Variants in PPM1L observed in about 807,000 individuals in gnomAD.
PPM1L encodes the protein protein phosphatase, Mg2+/Mn2+ dependent 1L.
In PPM1L, 13 loss-of-function variants were observed where a neutral mutation model predicts 31.4. The observed-to-expected ratio is 0.41, with a 90% confidence interval of 0.27 to 0.66. The LOEUF (loss-of-function observed/expected upper bound fraction) is 0.66. Among genes scored for constraint, PPM1L ranks in the 30% least tolerant of loss-of-function variants. PPM1L has a pLI of 0.29. For missense variants in PPM1L, 326 were observed against 453.7 expected (o/e 0.72, Z 2.56); for synonymous variants, 184 against 175.4 (o/e 1.05, Z -0.39).
At chr3:160,777,079 T>C (rs895469229) in intron 1 of PPM1L, among the ~76,000 whole-genome samples, 6 of 151,886 alleles carry the variant, frequency 4.0e-5, no homozygotes, top group Non-Finnish European at 8.8e-5. Flanking sequence ...CCTTAGCACT[T>C]TGGGAGGCCA....
At chr3:160,849,962 A>G (rs751954040) in intron 1 of PPM1L, among the ~76,000 whole-genome samples, 12 of 152,150 alleles carry the variant, frequency 7.9e-5, no homozygotes, top group Admixed American at 7.2e-4. Context: ...TACACAGCCA[A>G]TTCTCTGACA....
chr3:160,920,710 G>A (rs988838308), intron 1 of PPM1L, among the ~76,000 whole-genome samples: 1 of 149,476 alleles, frequency 6.7e-6, no homozygotes, highest in Non-Finnish European at 1.5e-5. Context: ...ATCCCTTTTA[G>A]CAGTAGGAGG....
intron 1 of PPM1L, among the ~76,000 whole-genome samples, chr3:160,912,733 G>T (rs557208899): frequency 3.9e-5 from 6 of 152,140 alleles, no homozygotes; most frequent in Non-Finnish European, 7.4e-5. Flanking sequence ...TTTTATGTAT[G>T]TACTAATTTA....
intron 1 of PPM1L, among the ~76,000 whole-genome samples, chr3:160,781,165 A>G (rs1711738292): frequency 6.6e-6 from 1 of 152,190 alleles, no homozygotes; most frequent in Non-Finnish European, 1.5e-5. Context: ...CTCATGTTCT[A>G]CTGTGGTCAC....
intron 3 of PPM1L, among the ~76,000 whole-genome samples, chr3:161,068,190 A>G (rs1383255001): frequency 6.6e-6 from 1 of 152,248 alleles, no homozygotes; most frequent in Non-Finnish European, 1.5e-5. Context: ...CCAATAAAAT[A>G]GATACTGTCT....
At position 160,913,398 on chromosome 3, in the gene PPM1L, C is replaced by G. The variant is rs1245071120; in HGVS notation, c.400-48338C>G. Among the ~76,000 whole-genome samples, 3 of 152,114 alleles carry G rather than the reference C, an allele frequency of 2.0e-5. 1 individual carries two copies. The highest frequency in any genetic ancestry group is 7.2e-5 in the African/African-American group (3 of 41,410). On this transcript the variant is annotated intron_variant, in intron 1 of 3. Transcript: ENST00000498165. ...TTAGCATGAAACTACTTTTTAAAAT[C>G]ACTTTATTGAGGCATAATTTATCCA...
chr3:161,060,831 A>T (rs1719551334), intron 2 of PPM1L, among the ~76,000 whole-genome samples: 1 of 151,182 alleles, frequency 6.6e-6, no homozygotes, highest in Non-Finnish European at 1.5e-5. Flanking sequence ...TCTCATCTAG[A>T]TTAAATTGTT....
At chr3:161,039,647 C>G (rs559648233) in intron 2 of PPM1L, among the ~76,000 whole-genome samples, 3 of 152,068 alleles carry the variant, frequency 2.0e-5, no homozygotes, top group Non-Finnish European at 4.4e-5. Flanking sequence ...CTCAGCCTCC[C>G]GAGTAGCTGG....
At chr3:160,799,016 CCTGAATTTCTGTAG>C (rs1342524341) in intron 1 of PPM1L, among the ~76,000 whole-genome samples, 1 of 152,172 alleles carries the variant, frequency 6.6e-6, no homozygotes, top group Non-Finnish European at 1.5e-5. Flanking sequence ...AGAAGTGGAG[CCTGAATTTCTGTAG>C]CTGAATTTCT....
intron 1 of PPM1L, among the ~76,000 whole-genome samples, chr3:160,867,524 C>A (rs1466287382): frequency 1.6e-5 from 2 of 124,386 alleles, no homozygotes; most frequent in Non-Finnish European, 4.0e-5. Flanking sequence ...CATTTCCTTC[C>A]TGGCTTCCTT....
At position 160,884,490 on chromosome 3, in the gene PPM1L, C is replaced by T. The variant is rs139937437; in HGVS notation, c.400-77246C>T. Among the ~76,000 whole-genome samples the T allele has an allele frequency of 9.9e-4, 151 of 152,316 alleles. 2 individuals are homozygous for T. Among genetic ancestry groups the T allele is most frequent in the Admixed American group, 2.1e-3 (32 of 15,308 alleles). ...ATGAAGCAGCCATTAAACTTTGTGACCTATGTGCTGTAAGGGACCCAGTGG... is the reference window on the plus strand; with the variant it reads ...ATGAAGCAGCCATTAAACTTTGTGATCTATGTGCTGTAAGGGACCCAGTGG... On this transcript the variant is annotated intron_variant, in intron 1 of 3. Coordinates refer to ENST00000498165, the MANE Select transcript of PPM1L (RefSeq NM_139245.4).
chr3:160,954,936 CTTCCTTCCTTCCTTCCTTCCTTCCT>C (rs1489300597), intron 1 of PPM1L, among the ~76,000 whole-genome samples: 13 of 50,520 alleles, frequency 2.6e-4, no homozygotes, highest in African/African-American at 6.2e-4. Context: ...TCCTTCCTTC[CTTCCTTCCTTCCTTCCTTCCTTCCT>C]TTCCTTTCCT....
chr3:160,887,978 A>G (rs1310391148), intron 1 of PPM1L, among the ~76,000 whole-genome samples: 1 of 152,162 alleles, frequency 6.6e-6, no homozygotes, highest in Non-Finnish European at 1.5e-5. Flanking sequence ...CAGATAAGAA[A>G]ATGCTGAGGG....
At chr3:160,955,812 G>T (rs201097277) in intron 1 of PPM1L, among the ~76,000 whole-genome samples, 2 of 150,580 alleles carry the variant, frequency 1.3e-5, no homozygotes, top group East Asian at 3.9e-4. Flanking sequence ...CACCACGTCC[G>T]GATAATTTTT....
rs200590752 is a variant in PPM1L, at chr3:160,961,765, C to T, written c.429C>T (p.Leu143=). 4 of 1,592,326 alleles carry T rather than the reference C, an allele frequency of 2.5e-6. No individual in the cohort carries two copies. Among genetic ancestry groups the T allele is most frequent in the Non-Finnish European group, 3.4e-6 (4 of 1,172,128 alleles). The change falls in exon 2 of 4, where the codon CTC becomes CTT. Residue 143 remains leucine (L), a synonymous_variant. Transcript: ENST00000498165. ...CAGCTGAATATGTAAAATCTCGACT[C>T]CCAGAGGCCCTTAAACAGCATCTTC... is the stretch of plus-strand genomic sequence containing the variant. The part of the protein sequence containing the change: ...ETAAEYVKSR[L]PEALKQHLQD...
intron 2 of PPM1L, among the ~76,000 whole-genome samples, chr3:160,971,820 G>A (rs538922856): frequency 2.0e-5 from 3 of 152,058 alleles, no homozygotes; most frequent in Admixed American, 6.5e-5. Context: ...CTGGAGTGCC[G>A]TGGCATGATC....
intron 1 of PPM1L, among the ~76,000 whole-genome samples, chr3:160,792,949 A>G (rs545157660): frequency 5.1e-4 from 78 of 152,308 alleles, no homozygotes; most frequent in African/African-American, 1.9e-3. Flanking sequence ...ATGTTCCTCA[A>G]TTTGGGGTTG....
At chr3:160,894,000 G>A (rs969378441) in intron 1 of PPM1L, among the ~76,000 whole-genome samples, 8 of 152,184 alleles carry the variant, frequency 5.3e-5, no homozygotes, top group African/African-American at 1.9e-4. Flanking sequence ...CTAGGCTAAT[G>A]TAAGTGTTCT....
At chr3:161,003,665 C>T (rs893345545) in intron 2 of PPM1L, among the ~76,000 whole-genome samples, 17 of 152,072 alleles carry the variant, frequency 1.1e-4, no homozygotes, top group Non-Finnish European at 2.4e-4. Context: ...TATAAGAAGG[C>T]TTGTGATTTT....
Sources: gnomAD v4.1 joint callset for allele counts (sites outside exome capture counted in the v4.1 genomes callset) on GRCh38, gnomAD v4.1.1 for gene constraint, MANE v1.5 for transcripts, NCBI Gene and HGNC (gene_info 2026-07-23, HGNC 2026-07-21) for gene names.